Variants in GNG7 observed in about 807,000 individuals in gnomAD.
GNG7 encodes the protein G protein subunit gamma 7.
Under a neutral mutation model 4.0 loss-of-function variants are expected in GNG7, and 1 was observed. The ratio of observed to expected loss-of-function variants is 0.25; its 90% CI spans 0.09 to 1.18. The LOEUF (loss-of-function observed/expected upper bound fraction) is 1.18, where lower values mean the gene tolerates loss of function less well. Ranked by LOEUF, GNG7 falls within the 50% of genes most tolerant of loss-of-function variation. The pLI is 0.50. For missense variants in GNG7, 86 were observed against 91.9 expected, an observed-to-expected ratio of 0.94 and a Z score of 0.26; for synonymous variants, 34 against 36.9, an observed-to-expected ratio of 0.92 and a Z score of 0.29.
intron 1 of GNG7, among the ~76,000 whole-genome samples, chr19:2,650,330 T>C (rs11880664): frequency 0.46 from 69,807 of 151,348 alleles, 16,093 homozygotes; most frequent in East Asian, 0.54. Context: ...GGATTTCAGG[T>C]ACCCACCACC....
chr19:2,537,143 G>A (rs1434761760), intron 3 of GNG7, among the ~76,000 whole-genome samples: 1 of 150,784 alleles, frequency 6.6e-6, no homozygotes, highest in Non-Finnish European at 1.5e-5. Context: ...TAGAGACGGG[G>A]TTTCACCGTG....
At chr19:2,641,653 C>T (rs1982509993) in intron 2 of GNG7, among the ~76,000 whole-genome samples, 1 of 151,974 alleles carries the variant, frequency 6.6e-6, no homozygotes, top group South Asian at 2.1e-4. Context: ...CTATGTTAGA[C>T]TTCTTTTTTT....
intron 1 of GNG7, among the ~76,000 whole-genome samples, chr19:2,660,809 A>G (rs1983124559): frequency 6.6e-6 from 1 of 152,108 alleles, no homozygotes; most frequent in South Asian, 2.1e-4. Flanking sequence ...AAATAAAGAC[A>G]CAGTGACTTT....
intron 2 of GNG7, among the ~76,000 whole-genome samples, chr19:2,615,646 G>T (rs975396226): frequency 1.3e-5 from 2 of 150,420 alleles, no homozygotes; most frequent in African/African-American, 4.9e-5. Flanking sequence ...TGTATTTTTA[G>T]TAGACATGGG....
chr19:2,646,684 C>CAA (rs71964998), intron 1 of GNG7, among the ~76,000 whole-genome samples: 20,950 of 143,746 alleles, frequency 0.15, 1,682 homozygotes, highest in African/African-American at 0.23. Flanking sequence ...GACTCTGCTT[C>CAA]AAAAAAAAAA....
chr19:2,563,430 C>G (rs1436040596), intron 2 of GNG7, among the ~76,000 whole-genome samples: 2 of 152,176 alleles, frequency 1.3e-5, no homozygotes, highest in East Asian at 1.9e-4. Flanking sequence ...TCCCCACATT[C>G]TACTCAGGAT....
intron 1 of GNG7, among the ~76,000 whole-genome samples, chr19:2,650,717 C>T (rs1009009128): frequency 1.3e-5 from 2 of 152,198 alleles, no homozygotes; most frequent in Non-Finnish European, 1.5e-5. Flanking sequence ...GGCCTTGAGC[C>T]GCACCAGCTG....
chr19:2,539,977 TTCTC>T (rs530109025), intron 3 of GNG7, among the ~76,000 whole-genome samples: 1 of 136,430 alleles, frequency 7.3e-6, no homozygotes, highest in Non-Finnish European at 1.6e-5. Context: ...CCCTCCCTCC[TTCTC>T]TCTCTCTTTC....
intron 1 of GNG7, among the ~76,000 whole-genome samples, chr19:2,661,490 C>T (rs867322292): frequency 1.3e-5 from 2 of 151,294 alleles, no homozygotes; most frequent in Non-Finnish European, 2.9e-5. Context: ...GAAACCCTAT[C>T]TCTACTAAAA....
chr19:2,590,937 T>TCATC (rs887861692), intron 2 of GNG7, among the ~76,000 whole-genome samples: 5 of 151,548 alleles, frequency 3.3e-5, no homozygotes, highest in South Asian at 4.2e-4. Context: ...ATCCATTTAC[T>TCATC]CATCCATCCA....
Position 2,575,571 on chromosome 19 carries a change from G to A in GNG7, c.-77-20383C>T, listed in dbSNP as rs1262922262. 3.2e-3 allele frequency among the ~76,000 whole-genome samples: 207 copies of A among 64,424 alleles called. 4 individuals carry two copies. The highest frequency in any genetic ancestry group is 0.016 in the African/African-American group (194 of 12,510). The allele number at this position is 64,424 out of a possible 152,430, so 42.3% of individuals were successfully genotyped here. The stretch of plus-strand genomic sequence containing the variant: ...CACACGCAGACACACGCAGGCACAC[G>A]CAGACACGCAGGCACACGCAGACAC... On this transcript the variant is annotated intron_variant, in intron 2 of 4. Transcript: ENST00000382159.
chr19:2,646,975 T>C (rs1028709538), intron 1 of GNG7, among the ~76,000 whole-genome samples: 5 of 152,198 alleles, frequency 3.3e-5, no homozygotes, highest in African/African-American at 1.2e-4. Context: ...AGAGTTAGCC[T>C]GAAAGTCCTG....
chr19:2,650,289 G>A (rs1176593602), intron 1 of GNG7, among the ~76,000 whole-genome samples: 1 of 149,908 alleles, frequency 6.7e-6, no homozygotes, highest in Non-Finnish European at 1.5e-5. Flanking sequence ...GAGTTCAAGC[G>A]ATTCTCCTGC....
chr19:2,553,803 T>C (rs1432306294), intron 3 of GNG7, among the ~76,000 whole-genome samples: 2 of 121,106 alleles, frequency 1.7e-5, no homozygotes, highest in African/African-American at 7.7e-5. Flanking sequence ...ACGTATCATG[T>C]GTAATATATC....
Position 2,513,279 on chromosome 19 carries a change from CT to C in GNG7, c.*1742del. Reference sequence around the variant, plus strand: ...TCCAGGAACCCTCTCGGCACGGGTTCTTAGACGCCTGTCTCCACTGGGGCCG... The same window carrying C: ...TCCAGGAACCCTCTCGGCACGGGTTCTAGACGCCTGTCTCCACTGGGGCCG... On this transcript the variant is annotated 3_prime_UTR_variant, in exon 5 of 5. Transcript: ENST00000382159. 2.7e-6 allele frequency: 1 copy of C among 369,606 alleles called. No individual in the cohort carries two copies. The highest frequency in any genetic ancestry group is 3.7e-6 in the Non-Finnish European group (1 of 267,066). The allele number at this position is 369,606 out of a possible 1,614,324, so 22.9% of individuals were successfully genotyped here.
intron 2 of GNG7, chr19:2,643,796 C>T (rs928897153): frequency 4.5e-5 from 17 of 374,506 alleles, no homozygotes; most frequent in Non-Finnish European, 9.0e-5. Flanking sequence ...ATTTCTACAG[C>T]TATGCAACCA....
At chr19:2,562,217 G>A (rs900470704) in intron 2 of GNG7, among the ~76,000 whole-genome samples, 5 of 152,036 alleles carry the variant, frequency 3.3e-5, no homozygotes, top group Admixed American at 6.6e-5. Context: ...CGGAGCTGCC[G>A]GGGTCCCCAC....
intron 2 of GNG7, among the ~76,000 whole-genome samples, chr19:2,637,887 G>A (rs764093708): frequency 5.1e-4 from 77 of 152,182 alleles, no homozygotes; most frequent in African/African-American, 6.5e-4. Flanking sequence ...AAGAGACTCC[G>A]CGTCCCATGA....
intron 2 of GNG7, among the ~76,000 whole-genome samples, chr19:2,589,397 A>ATTTTTTTTTTTC (rs1980773330): frequency 1.0e-5 from 1 of 97,014 alleles, no homozygotes; most frequent in Non-Finnish European, 1.9e-5. Context: ...TTTTTTTTTA[A>ATTTTTTTTTTTC]ATAGCAGAGA....
Sources: allele counts gnomAD v4.1 joint callset (sites outside exome capture counted in the v4.1 genomes callset), GRCh38; gene constraint gnomAD v4.1.1; transcripts MANE v1.5; gene names NCBI Gene and HGNC (gene_info 2026-07-23, HGNC 2026-07-21).